TET3: variants seen among roughly 807,000 people sequenced by gnomAD.
The protein encoded by TET3 is tet methylcytosine dioxygenase 3, also known as methylcytosine dioxygenase TET3.
A neutral mutation model predicts 141.4 loss-of-function variants in TET3; 19 were observed. The ratio of observed to expected loss-of-function variants is 0.13; its 90% CI spans 0.09 to 0.20. TET3 has a LOEUF of 0.20. Among genes scored for constraint, TET3 ranks in the 10% least tolerant of loss-of-function variants. The probability of loss-of-function intolerance (pLI) is 1.00; values close to 1 mark genes in which losing one functional copy is unlikely to be tolerated. For missense variants in TET3, 1,874 were observed against 2,356.9 expected (o/e 0.80, Z 4.24); for synonymous variants, 1,043 against 980.9 (o/e 1.06, Z -1.18).
intron 10 of TET3, among the ~76,000 whole-genome samples, chr2:74,095,045 A>G (rs774829236): frequency 2.0e-5 from 3 of 152,072 alleles, no homozygotes; most frequent in Non-Finnish European, 4.4e-5. Flanking sequence ...CCTTGAAGGG[A>G]TGATGCTGGC....
chr2:74,123,111 TTA>T, the TET3 span: 1 of 152,118 alleles, frequency 6.6e-6, no homozygotes, highest in Admixed American at 6.5e-5. Context: ...ATATTGTATA[TTA>T]TAGAGGAAAA....
intron 4 of TET3, among the ~76,000 whole-genome samples, chr2:74,054,332 T>C (rs1688104544): frequency 6.6e-6 from 1 of 151,996 alleles, no homozygotes; most frequent in Admixed American, 6.6e-5. Context: ...AAGAAAAGAA[T>C]TAACTGCTCC....
At chr2:74,133,747 TTTTG>T in the TET3 span, among the ~76,000 whole-genome samples, 4 of 152,286 alleles carry the variant, frequency 2.6e-5, no homozygotes, top group East Asian at 1.9e-4. Context: ...TATTCTGTTT[TTTTG>T]TTTGTTTTTT....
rs780936000 is a variant in TET3, at chr2:74,087,814, C to A, written c.2680-16C>A. 10 of 1,540,910 alleles carry A rather than the reference C, an allele frequency of 6.5e-6. No homozygotes were observed. Among genetic ancestry groups the A allele is most frequent in the Non-Finnish European group, 8.8e-6 (10 of 1,140,292 alleles). ...GGGTACCTGGCTCCTGCCCCTCACA[C>A]CCTGCGTCCCTGCAGGTGATCCGCA... On this transcript the variant is annotated splice_polypyrimidine_tract_variant and intron_variant, in intron 6 of 11. Transcript: ENST00000409262. This position sits in a 1 kb window ranked among gnomAD's most constrained non-coding sequence, Gnocchi z 4.3.
rs1691511807 is a variant in TET3 at position 74,106,510 on chromosome 2, C to T, written c.*4334C>T. On this transcript the variant is annotated 3_prime_UTR_variant, in exon 12 of 12. Transcript: ENST00000409262. ...GATGGATCTCCTTCCTCCCCTGGCACTGGCTGGGACCATGGTGGGCAGGGG... is the reference window on the plus strand; with the variant it reads ...GATGGATCTCCTTCCTCCCCTGGCATTGGCTGGGACCATGGTGGGCAGGGG... 6.5e-6 allele frequency: 1 copy of T among 153,808 alleles called. No individual in the cohort carries two copies. Among genetic ancestry groups the T allele is most frequent in the South Asian group, 2.1e-4 (1 of 4,836 alleles). 9.5% of individuals were successfully genotyped at this position (153,808 alleles called of 1,614,324 possible). A position where few individuals can be genotyped will look rare whatever the true frequency, so the allele number is the denominator to read the frequency against.
intron 3 of TET3, among the ~76,000 whole-genome samples, chr2:74,023,010 A>G (rs759737692): frequency 6.6e-6 from 1 of 152,034 alleles, no homozygotes; most frequent in Non-Finnish European, 1.5e-5. Context: ...TCCTGACCTC[A>G]AGTGATCTGT....
chr2:74,069,026 T>TTTTA (rs1192819064), intron 4 of TET3, among the ~76,000 whole-genome samples: 1 of 152,130 alleles, frequency 6.6e-6, no homozygotes, highest in Non-Finnish European at 1.5e-5. Flanking sequence ...TTTATCAGGG[T>TTTTA]TTTATTTATT....
chr2:73,986,258 C>G lies in TET3; in HGVS notation c.-146C>G, dbSNP rs1355314569. 2.8e-5 allele frequency: 17 copies of G among 617,964 alleles called. No homozygotes were observed. Among genetic ancestry groups the G allele is most frequent in the Non-Finnish European group, 4.0e-5 (17 of 427,956 alleles). The allele number at this position is 617,964 out of a possible 1,614,324, so 38.3% of individuals were successfully genotyped here. ...GTGAAGAGGGGTTGAGAAGAGGCAT[C>G]CATCCACGAGACTGAAGCCACTTGC... On this transcript the variant is annotated 5_prime_UTR_variant, in exon 2 of 12. It adds an upstream start codon to the 5' untranslated region. Coordinates refer to ENST00000409262, the MANE Select transcript of TET3 (RefSeq NM_001287491.2).
chr2:73,990,003 A>G (rs1360972331), intron 2 of TET3, among the ~76,000 whole-genome samples: 1 of 152,194 alleles, frequency 6.6e-6, no homozygotes, highest in Admixed American at 6.5e-5. Context: ...GGCACATAGT[A>G]GGTAATCAAT....
At chr2:74,051,068 T>G (rs1264667715) in intron 4 of TET3, among the ~76,000 whole-genome samples, 2 of 152,124 alleles carry the variant, frequency 1.3e-5, no homozygotes, top group African/African-American at 4.8e-5. Context: ...AAAACTGTGG[T>G]GAACACAGAT....
At chr2:74,010,947 A>G (rs1412620596) in intron 3 of TET3, among the ~76,000 whole-genome samples, 1 of 152,176 alleles carries the variant, frequency 6.6e-6, no homozygotes, top group Non-Finnish European at 1.5e-5. Flanking sequence ...AATTTTTAAA[A>G]ACTTTTAAGG....
intron 6 of TET3, among the ~76,000 whole-genome samples, chr2:74,080,898 C>T (rs181659193): frequency 1.5e-4 from 23 of 152,296 alleles, no homozygotes; most frequent in African/African-American, 3.8e-4. Context: ...ATCCTGTCCC[C>T]GTGGCTCAGG....
At chr2:74,117,220 G>T in the TET3 span, among the ~76,000 whole-genome samples, 62 of 152,238 alleles carry the variant, frequency 4.1e-4, no homozygotes, top group East Asian at 8.9e-3. Context: ...GGGATTACAG[G>T]TATGTGCCAC....
chr2:74,133,204 G>A, the TET3 span, among the ~76,000 whole-genome samples: 6,769 of 151,792 alleles, frequency 0.045, 500 homozygotes, highest in African/African-American at 0.15. Flanking sequence ...GTGAGCCACC[G>A]TGCCCAGCCC....
chr2:74,035,695 C>T (rs1048652178), intron 3 of TET3, among the ~76,000 whole-genome samples: 1 of 152,082 alleles, frequency 6.6e-6, no homozygotes, highest in Non-Finnish European at 1.5e-5. Context: ...CCATTGCACT[C>T]CAGCCTGGGC....
chr2:74,071,936 T>C (rs1689229408), intron 4 of TET3, among the ~76,000 whole-genome samples: 1 of 152,248 alleles, frequency 6.6e-6, no homozygotes, highest in Non-Finnish European at 1.5e-5. Flanking sequence ...ACAAATTGAG[T>C]TGAGCTTCAC....
chr2:74,133,960 G>C, the TET3 span, among the ~76,000 whole-genome samples: 1 of 152,102 alleles, frequency 6.6e-6, no homozygotes, highest in South Asian at 2.1e-4. Flanking sequence ...GGTCAGGCTG[G>C]TCTCAAACTC....
At chr2:74,085,138 A>G (rs72907195) in intron 6 of TET3, among the ~76,000 whole-genome samples, 1 of 148,112 alleles carries the variant, frequency 6.8e-6, no homozygotes, top group East Asian at 2.0e-4. Flanking sequence ...TTGTTCGTAT[A>G]TTTTTCCACA....
chr2:74,011,087 G>C (rs1241899310), intron 3 of TET3, among the ~76,000 whole-genome samples: 1 of 151,924 alleles, frequency 6.6e-6, no homozygotes, highest in African/African-American at 2.4e-5. Flanking sequence ...AATTATCTGG[G>C]TGCGGTGGTG....
Sources: allele counts gnomAD v4.1 joint callset (sites outside exome capture counted in the v4.1 genomes callset), GRCh38; gene constraint gnomAD v4.1.1; non-coding constraint Gnocchi (gnomAD v3.1); transcripts MANE v1.5; gene names NCBI Gene and HGNC (gene_info 2026-07-23, HGNC 2026-07-21).